Variants in NRP1 observed in about 807,000 individuals in gnomAD.
NRP1 encodes neuropilin-1.
Under a neutral mutation model 106.7 loss-of-function variants are expected in NRP1, and 35 were observed. That is an observed-to-expected ratio of 0.33 (90% CI 0.25 to 0.43). The LOEUF is 0.43. Ranked by LOEUF, NRP1 falls within the 20% of genes least tolerant of loss-of-function variation. The pLI is 1.00. For missense variants in NRP1, 1,024 were observed against 1,170.4 expected, an observed-to-expected ratio of 0.87 and a Z score of 1.83; for synonymous variants, 437 against 417.9, an observed-to-expected ratio of 1.05 and a Z score of -0.56.
intron 13 of NRP1, among the ~76,000 whole-genome samples, chr10:33,191,716 C>T (rs1426634474): frequency 6.6e-6 from 1 of 152,116 alleles, no homozygotes; most frequent in Non-Finnish European, 1.5e-5. Context: ...CGGTGCCTCA[C>T]ACCTATAATC....
intron 2 of NRP1, among the ~76,000 whole-genome samples, chr10:33,297,084 T>C (rs1011828159): frequency 3.3e-5 from 5 of 152,172 alleles, no homozygotes; most frequent in Admixed American, 6.5e-5. Context: ...AAATCACAAA[T>C]TGGAAGCCAA....
chr10:33,209,830 C>T (rs977654633), intron 9 of NRP1, among the ~76,000 whole-genome samples: 1 of 152,210 alleles, frequency 6.6e-6, no homozygotes, highest in African/African-American at 2.4e-5. Flanking sequence ...CATCTATGCC[C>T]AAGGCCACAC....
At chr10:33,219,097 G>T (rs1839017020) in intron 8 of NRP1, among the ~76,000 whole-genome samples, 1 of 152,146 alleles carries the variant, frequency 6.6e-6, no homozygotes, top group Admixed American at 6.5e-5. Context: ...CTTATTAGAG[G>T]CTCTGCTTGC....
At chr10:33,331,126 G>T (rs1462114837) in intron 1 of NRP1, among the ~76,000 whole-genome samples, 1 of 152,038 alleles carries the variant, frequency 6.6e-6, no homozygotes, top group Non-Finnish European at 1.5e-5. Flanking sequence ...CCCCAGCCCC[G>T]AAGTTTCTTC....
intron 2 of NRP1, among the ~76,000 whole-genome samples, chr10:33,326,314 G>A (rs1847885945): frequency 6.6e-6 from 1 of 152,154 alleles, no homozygotes. Flanking sequence ...CTAGTTCGAT[G>A]TACATACTGA....
rs544202469 is a variant in NRP1, at chr10:33,334,255, C to G, written c.73+55G>C. The G allele has an allele frequency of 2.2e-5, 32 of 1,487,330 alleles. 1 individual carries two copies. In the South Asian group the frequency reaches 3.6e-4, roughly 17 times the overall value. 92.1% of individuals were successfully genotyped at this position (1,487,330 alleles called of 1,614,324 possible). On this transcript the variant is annotated intron_variant, in intron 1 of 16. Transcript: ENST00000374867. The stretch of plus-strand genomic sequence containing the variant: ...GCCCCGCCTGAGCCCCGGTCCGGGG[C>G]GGGCAGCTGGGAGCCGGGGCGCCGC...
At chr10:33,319,297 C>A (rs116604588) in intron 2 of NRP1, among the ~76,000 whole-genome samples, 340 of 152,012 alleles carry the variant, frequency 2.2e-3, no homozygotes, top group African/African-American at 7.8e-3. Flanking sequence ...TGAGTCACCG[C>A]GCCCAGAGGA....
intron 2 of NRP1, among the ~76,000 whole-genome samples, chr10:33,320,001 G>A (rs541979237): frequency 6.6e-6 from 1 of 152,094 alleles, no homozygotes; most frequent in South Asian, 2.1e-4. Context: ...ACAAGGGGGC[G>A]CGCGGGGCAT....
At chr10:33,254,387 A>C (rs949501319) in intron 5 of NRP1, among the ~76,000 whole-genome samples, 193 bp from the exon 6 acceptor site, 2 of 152,200 alleles carry the variant, frequency 1.3e-5, no homozygotes, top group Admixed American at 6.5e-5. Context: ...TGAAGATCAT[A>C]CAGTGATTAA....
intron 11 of NRP1, chr10:33,201,071 T>C (rs1837266706): frequency 6.6e-6 from 1 of 152,248 alleles, no homozygotes; most frequent in African/African-American, 2.4e-5. Context: ...AACTTTCTTC[T>C]ATCTACCAAA....
chr10:33,206,229 C>T (rs775932986), intron 10 of NRP1: 1 of 519,046 alleles, frequency 1.9e-6, no homozygotes, highest in East Asian at 5.4e-5. Flanking sequence ...TTCCAGATGA[C>T]CACATTTCTC....
intron 2 of NRP1, among the ~76,000 whole-genome samples, chr10:33,273,491 C>T (rs867258559): frequency 3.9e-5 from 6 of 152,188 alleles, no homozygotes; most frequent in African/African-American, 7.2e-5. Context: ...ACCACTGCAA[C>T]GCACCCAGCC....
chr10:33,283,877 G>A (rs1844321082), intron 2 of NRP1, among the ~76,000 whole-genome samples: 1 of 152,204 alleles, frequency 6.6e-6, no homozygotes, highest in Admixed American at 6.5e-5. Context: ...GGTGCAGCTT[G>A]CTGAAATGGG....
At chr10:33,273,892 C>T (rs558779103) in intron 2 of NRP1, among the ~76,000 whole-genome samples, 75 of 152,244 alleles carry the variant, frequency 4.9e-4, no homozygotes, top group African/African-American at 1.7e-3. Flanking sequence ...TCTCTGCTCA[C>T]ATACAGACGG....
At chr10:33,188,847 A>C (rs1836199729) in intron 13 of NRP1, among the ~76,000 whole-genome samples, 1 of 148,990 alleles carries the variant, frequency 6.7e-6, no homozygotes, top group Admixed American at 6.7e-5. Context: ...TGGGAGGTGG[A>C]GGATGCAGTG....
intron 11 of NRP1, 68 bp downstream of exon 11, chr10:33,202,823 C>CTT (rs1837447001): frequency 1.2e-6 from 2 of 1,613,744 alleles, no homozygotes; most frequent in Non-Finnish European, 8.5e-7. Context: ...CACACACAGG[C>CTT]GTTAGCTGGT....
At chr10:33,266,288 C>T (rs1186972079) in intron 3 of NRP1, among the ~76,000 whole-genome samples, 1 of 152,144 alleles carries the variant, frequency 6.6e-6, no homozygotes, top group African/African-American at 2.4e-5. Flanking sequence ...TTCGACAAAA[C>T]ATGGGGACAT....
intron 2 of NRP1, among the ~76,000 whole-genome samples, chr10:33,284,089 A>G (rs1008435163): frequency 1.3e-5 from 2 of 151,922 alleles, no homozygotes; most frequent in African/African-American, 4.8e-5. Context: ...TAGAAGCTAG[A>G]GAAAGGTATA....
At chr10:33,299,657 G>A (rs979835499) in intron 2 of NRP1, among the ~76,000 whole-genome samples, 2 of 152,080 alleles carry the variant, frequency 1.3e-5, no homozygotes, top group Non-Finnish European at 2.9e-5. Context: ...TTAGTGGCAC[G>A]CACTTGTGGT....
Sources: gnomAD v4.1 joint callset for allele counts (sites outside exome capture counted in the v4.1 genomes callset) on GRCh38, gnomAD v4.1.1 for gene constraint, MANE v1.5 for transcripts, NCBI Gene and HGNC (gene_info 2026-07-23, HGNC 2026-07-21) for gene names.